CAPN14: variants seen among roughly 807,000 people sequenced by gnomAD.
CAPN14 encodes the protein calpain-14.
CAPN14 carries 94 observed loss-of-function variants against 101.3 expected under a neutral mutation model. The ratio of observed to expected loss-of-function variants is 0.93; its 90% confidence interval spans 0.79 to 1.10. The LOEUF (loss-of-function observed/expected upper bound fraction) is 1.10. CAPN14 is among the 50% of genes least tolerant of loss of function. CAPN14 has a pLI of 0.00. For synonymous variants in CAPN14, 338 were observed against 317.9 expected (o/e 1.06, Z -0.67); for missense variants, 837 against 828.4 (o/e 1.01, Z -0.13).
chr2:31,197,298 G>C lies in CAPN14; in HGVS notation c.826C>G (p.Leu276Val). The C allele has an allele frequency of 6.4e-7, 1 of 1,551,228 alleles. No individual in the cohort carries two copies. The highest frequency in any genetic ancestry group is 2.4e-5 in the East Asian group (1 of 40,888). ...CKHRPEYLVK[L>V]RNPWGKVEWK... ...TCCACCTTTCCCCAGGGGTTCCGTA[G>C]CTTGACGAGATATTCAGGTCTATGT... Residue 276 changes from leucine (L) to valine (V), a missense_variant, in exon 8 of 22, where the codon CTA (leucine) becomes GTA (valine). Transcript: ENST00000403897.
chr2:31,177,593 T>C (rs1212721154), intron 19 of CAPN14, among the ~76,000 whole-genome samples, 153 bp downstream of exon 19: 2 of 152,186 alleles, frequency 1.3e-5, no homozygotes, highest in African/African-American at 4.8e-5. Flanking sequence ...GGGACAATCA[T>C]AAAAAATGTT....
intron 1 of CAPN14, chr2:31,228,227 C>T (rs903371212): frequency 4.6e-5 from 7 of 152,344 alleles, no homozygotes; most frequent in Admixed American, 1.3e-4. Flanking sequence ...AGGGCTCAAA[C>T]TTGTATTCCA....
intron 1 of CAPN14, among the ~76,000 whole-genome samples, chr2:31,217,115 C>T (rs1332082504): frequency 6.6e-6 from 1 of 152,138 alleles, no homozygotes; most frequent in Non-Finnish European, 1.5e-5. Flanking sequence ...CAGCACCTAG[C>T]AGCATCAGTA....
At position 31,184,515 on chromosome 2, in the gene CAPN14, C is replaced by A. The variant is rs568665450; in HGVS notation, c.1645+1913G>T. Among the ~76,000 whole-genome samples, 3 of 152,324 alleles carry A rather than the reference C, an allele frequency of 2.0e-5. No individual in the cohort carries two copies. In the South Asian group the frequency reaches 6.2e-4, roughly 32 times the overall value. On this transcript the variant is annotated intron_variant, in intron 16 of 21. Transcript: ENST00000403897. ...AGATTTGAACACAGTCCTCCAGATGCAATTTGATTGAACAGAATACAGTAG... is the reference window on the plus strand; with the variant it reads ...AGATTTGAACACAGTCCTCCAGATGAAATTTGATTGAACAGAATACAGTAG...
upstream of CAPN14, among the ~76,000 whole-genome samples, chr2:31,219,446 G>A (rs889179514): frequency 1.3e-5 from 2 of 152,222 alleles, no homozygotes; most frequent in African/African-American, 4.8e-5. Context: ...GTCTCTGCAA[G>A]GCACAGGCAA....
At chr2:31,212,317 A>C (rs543549374) in intron 1 of CAPN14, among the ~76,000 whole-genome samples, 1,648 of 151,244 alleles carry the variant, frequency 0.011, 39 homozygotes, top group African/African-American at 0.038. Flanking sequence ...CAAAACAAAA[A>C]AAAAAAAAAA....
intron 1 of CAPN14, among the ~76,000 whole-genome samples, chr2:31,215,903 C>T (rs993755650): frequency 2.3e-4 from 34 of 147,242 alleles, no homozygotes; most frequent in African/African-American, 8.5e-4. Context: ...TAAACACATA[C>T]AAACTATATG....
chr2:31,229,679 CAAAA>C (rs3031884), intron 1 of CAPN14, among the ~76,000 whole-genome samples: 27 of 99,040 alleles, frequency 2.7e-4, no homozygotes, highest in Non-Finnish European at 4.1e-4. Context: ...ACCCTATGTC[CAAAA>C]AAAAAAAAAA....
intron 17 of CAPN14, among the ~76,000 whole-genome samples, chr2:31,179,060 C>CTA (rs60701103): frequency 0.17 from 11,550 of 68,362 alleles, 696 homozygotes; most frequent in East Asian, 0.45. Context: ...TTATTGAGTT[C>CTA]TATATATATA....
At chr2:31,225,586 C>T (rs1190363598) in intron 2 of CAPN14, among the ~76,000 whole-genome samples, 1 of 151,984 alleles carries the variant, frequency 6.6e-6, no homozygotes, top group African/African-American at 2.4e-5. Flanking sequence ...GAATAGATAA[C>T]TCTGAAATAG....
chr2:31,195,806 T>TA lies in CAPN14; in HGVS notation c.876-1324dup, dbSNP rs550495942. Among the ~76,000 whole-genome samples, 411 of 152,082 alleles carry TA rather than the reference T, an allele frequency of 2.7e-3. 4 individuals are homozygous for TA. Among genetic ancestry groups the TA allele is most frequent in the African/African-American group, 9.3e-3 (387 of 41,464 alleles). Reference sequence around the variant, plus strand: ...CCCTAAGTAATGTAACTACCTACTTTAAAAAAAGTCCAATATTCTTTAAAG... The same window carrying TA: ...CCCTAAGTAATGTAACTACCTACTTTAAAAAAAAGTCCAATATTCTTTAAAG... On this transcript the variant is annotated intron_variant, in intron 8 of 21. Coordinates refer to ENST00000403897, the MANE Select transcript of CAPN14 (RefSeq NM_001145122.2).
At chr2:31,189,212 C>T in intron 13 of CAPN14, 61 bp downstream of exon 13, 1 of 1,452,532 alleles carries the variant, frequency 6.9e-7, no homozygotes, top group South Asian at 1.2e-5. Flanking sequence ...CCAACCTTGC[C>T]CTCCTTGCCT....
intron 17 of CAPN14, 58 bp from the exon 18 acceptor site, chr2:31,178,637 C>T: frequency 6.2e-6 from 7 of 1,123,010 alleles, no homozygotes; most frequent in Middle Eastern, 2.2e-4. Context: ...GCTTTGGAGG[C>T]AGTGATCAGC....
At chr2:31,191,549 C>T in intron 11 of CAPN14, 142 bp from the exon 12 acceptor site, 3 of 727,002 alleles carry the variant, frequency 4.1e-6, no homozygotes. Flanking sequence ...GTGTCCCCTC[C>T]CACAAGACCT....
At chr2:31,181,160 G>T (rs1483795911) in intron 16 of CAPN14, among the ~76,000 whole-genome samples, 160 bp from the exon 17 acceptor site, 1 of 152,172 alleles carries the variant, frequency 6.6e-6, no homozygotes, top group Non-Finnish European at 1.5e-5. Context: ...AGACGGGGGG[G>T]TGACGGTCGT....
At chr2:31,201,409 T>A (rs1335818851) in intron 5 of CAPN14, among the ~76,000 whole-genome samples, 2 of 152,172 alleles carry the variant, frequency 1.3e-5, no homozygotes, top group Non-Finnish European at 2.9e-5. Flanking sequence ...CCCAAGCAGG[T>A]GGATCCCCTG....
At chr2:31,223,537 C>A (rs79644533) in intron 2 of CAPN14, among the ~76,000 whole-genome samples, 6,626 of 138,028 alleles carry the variant, frequency 0.048, 176 homozygotes, top group Non-Finnish European at 0.064. Flanking sequence ...TTTTCTTTTT[C>A]TTTTCTTTTT....
intron 19 of CAPN14, among the ~76,000 whole-genome samples, chr2:31,177,494 T>G (rs968600252): frequency 6.6e-6 from 1 of 152,160 alleles, no homozygotes; most frequent in Admixed American, 6.5e-5. Context: ...TTTCTTCCTC[T>G]GTGAAGTGAG....
At chr2:31,226,426 G>C (rs1193850547) in intron 2 of CAPN14, 3 of 152,220 alleles carry the variant, frequency 2.0e-5, no homozygotes. Context: ...GTCAACTTCA[G>C]TGCCTGCACC....
Sources: gnomAD v4.1 joint callset for allele counts (sites outside exome capture counted in the v4.1 genomes callset) on GRCh38, gnomAD v4.1.1 for gene constraint, MANE v1.5 for transcripts, NCBI Gene and HGNC (gene_info 2026-07-23, HGNC 2026-07-21) for gene names.